The following MYT1L variants were observed in gnomAD, a reference collection of about 807,000 sequenced individuals.
The protein encoded by MYT1L is myelin transcription factor 1 like.
A neutral mutation model predicts 126.7 loss-of-function variants in MYT1L; 12 were observed. That is an observed-to-expected ratio of 0.09 (90% CI 0.06 to 0.15). The LOEUF (loss-of-function observed/expected upper bound fraction) is 0.15. Ranked by LOEUF, MYT1L falls within the 10% of genes least tolerant of loss-of-function variation. The pLI, the probability that MYT1L is intolerant of heterozygous loss-of-function variation, is 1.00. For missense variants in MYT1L, 979 were observed against 1,585.2 expected, an observed-to-expected ratio of 0.62 and a Z score of 6.49; for synonymous variants, 541 against 604.2, an observed-to-expected ratio of 0.90 and a Z score of 1.53.
intron 18 of MYT1L, among the ~76,000 whole-genome samples, chr2:1,881,870 T>C (rs555323112): frequency 1.3e-5 from 2 of 152,166 alleles, no homozygotes; most frequent in South Asian, 2.1e-4. Flanking sequence ...ACACTGAAGG[T>C]GGTGTTATTA....
At chr2:2,099,779 C>T (rs1471741706) in intron 3 of MYT1L, among the ~76,000 whole-genome samples, 1 of 152,196 alleles carries the variant, frequency 6.6e-6, no homozygotes, top group African/African-American at 2.4e-5. Flanking sequence ...ATAGTACAGC[C>T]ACGCATTTTA....
chr2:2,245,169 G>A (rs1412366935), intron 2 of MYT1L, among the ~76,000 whole-genome samples: 1 of 152,136 alleles, frequency 6.6e-6, no homozygotes, highest in Admixed American at 6.5e-5. Context: ...AGGCACAGGG[G>A]ATGAAAAAAT....
chr2:1,931,083 G>A (rs976833707), intron 9 of MYT1L, among the ~76,000 whole-genome samples: 3 of 152,172 alleles, frequency 2.0e-5, no homozygotes, highest in Non-Finnish European at 4.4e-5. Flanking sequence ...TGGGAAAATG[G>A]CCTGTCATGG....
At chr2:1,942,009 G>T (rs2056707718) in intron 9 of MYT1L, among the ~76,000 whole-genome samples, 1 of 152,122 alleles carries the variant, frequency 6.6e-6, no homozygotes, top group Admixed American at 6.5e-5. Context: ...TACCCTTTGT[G>T]TCCAGAAATT....
At chr2:2,097,028 C>T (rs1356879974) in intron 3 of MYT1L, among the ~76,000 whole-genome samples, 1 of 152,100 alleles carries the variant, frequency 6.6e-6, no homozygotes, top group East Asian at 1.9e-4. Context: ...TCTCCCTTAA[C>T]CTCTGTTCTG....
chr2:2,020,831 T>A (rs746889392), intron 4 of MYT1L, among the ~76,000 whole-genome samples: 2 of 152,252 alleles, frequency 1.3e-5, no homozygotes, highest in Non-Finnish European at 2.9e-5. Context: ...TATTTGATTT[T>A]CAAAATGTAG....
chr2:2,104,485 C>G lies in MYT1L; in HGVS notation c.-303-50362G>C, dbSNP rs190256058. On this transcript the variant is annotated intron_variant, in intron 3 of 24. Coordinates refer to ENST00000647738, the MANE Select transcript of MYT1L (RefSeq NM_001303052.2). ...CACACTAGCCCTTTAGTAAGTGGGT[C>G]AGCACTGCATGCTTTTCAGGCGGGC... Among the ~76,000 whole-genome samples, 195 of 152,344 alleles carry G rather than the reference C, an allele frequency of 1.3e-3. 1 individual carries two copies. The highest frequency in any genetic ancestry group is 4.0e-3 in the African/African-American group (168 of 41,592).
chr2:2,099,683 G>A (rs1275379662), intron 3 of MYT1L, among the ~76,000 whole-genome samples: 1 of 152,172 alleles, frequency 6.6e-6, no homozygotes, highest in Non-Finnish European at 1.5e-5. Flanking sequence ...AACAAAGAGT[G>A]AAAACAGTAT....
At chr2:1,797,903 CTCCGG>C (rs2033967141) in intron 23 of MYT1L, among the ~76,000 whole-genome samples, 3 of 43,124 alleles carry the variant, frequency 7.0e-5, no homozygotes, top group African/African-American at 2.8e-4. Context: ...TCTCCCCCTT[CTCCGG>C]CACAGGCGCG....
At chr2:1,857,083 CAG>C (rs1454889208) in intron 18 of MYT1L, among the ~76,000 whole-genome samples, 1 of 152,154 alleles carries the variant, frequency 6.6e-6, no homozygotes, top group African/African-American at 2.4e-5. Flanking sequence ...CAGCCTGACT[CAG>C]TGTTTCACAG....
At chr2:2,270,374 T>A (rs1407813967) in intron 2 of MYT1L, among the ~76,000 whole-genome samples, 3 of 152,182 alleles carry the variant, frequency 2.0e-5, no homozygotes, top group African/African-American at 7.2e-5. Context: ...CACATTCCTT[T>A]AGTCATGAGC....
At chr2:2,169,749 C>T (rs956895635) in intron 3 of MYT1L, among the ~76,000 whole-genome samples, 7 of 152,112 alleles carry the variant, frequency 4.6e-5, no homozygotes, top group Non-Finnish European at 7.4e-5. Flanking sequence ...CAAGTGGTCA[C>T]GCCCGGCTCT....
chr2:1,949,725 CG>C (rs2057567142), intron 8 of MYT1L, among the ~76,000 whole-genome samples: 1 of 152,146 alleles, frequency 6.6e-6, no homozygotes. Flanking sequence ...TTATCACCGC[CG>C]TGGAGAGAGG....
chr2:1,994,168 G>A (rs759446332), intron 5 of MYT1L, among the ~76,000 whole-genome samples: 1 of 152,236 alleles, frequency 6.6e-6, no homozygotes, highest in African/African-American at 2.4e-5. Flanking sequence ...TGGCCTGCAT[G>A]TGACTTTCTC....
At position 1,979,705 on chromosome 2, in the gene MYT1L, A is replaced by G. The variant is rs1186941504; in HGVS notation, c.55+18T>C. Reference sequence around the variant, plus strand: ...TGACCCTGAGCCGGCCTCAGGATGCAGGGAAGCGCGGACATACCTCGAACC... The same window carrying G: ...TGACCCTGAGCCGGCCTCAGGATGCGGGGAAGCGCGGACATACCTCGAACC... On this transcript the variant is annotated intron_variant, in intron 6 of 24. Transcript: ENST00000647738. The surrounding 1 kb of genome is among the most constrained non-coding windows in gnomAD (Gnocchi z 4.0). The G allele has an allele frequency of 1.2e-6, 2 of 1,613,998 alleles. No individual in the cohort carries two copies. The highest frequency in any genetic ancestry group is 1.7e-6 in the Non-Finnish European group (2 of 1,179,872).
intron 18 of MYT1L, among the ~76,000 whole-genome samples, chr2:1,870,047 G>T (rs546506540): frequency 3.3e-4 from 49 of 149,418 alleles, no homozygotes; most frequent in Admixed American, 9.3e-4. Flanking sequence ...TCAGAGCCGA[G>T]AAGTCGAACT....
rs1437119881 is a variant in MYT1L at position 1,943,364 on chromosome 2, G to A, written c.153-30C>T. Reference sequence around the variant, plus strand: ...TTAAAAAAATAGAGAAGGCAGGGGAGAGAGAGAAAAAAAATATCTGTGTTA... The same window carrying A: ...TTAAAAAAATAGAGAAGGCAGGGGAAAGAGAGAAAAAAAATATCTGTGTTA... On this transcript the variant is annotated intron_variant, in intron 8 of 24. Transcript: ENST00000647738. This position sits in a 1 kb window ranked among gnomAD's most constrained non-coding sequence, Gnocchi z 4.4. 1.1e-5 allele frequency: 17 copies of A among 1,498,748 alleles called. No individual in the cohort carries two copies. The Admixed American group carries it at 2.0e-4, about 18-fold the overall frequency. The allele number at this position is 1,498,748 out of a possible 1,614,324, so 92.8% of individuals were successfully genotyped here. A position where few individuals can be genotyped will look rare whatever the true frequency, so the allele number is the denominator to read the frequency against.
rs182721724 is a variant in MYT1L, at chr2:2,121,728, G to A, written c.-304+51144C>T. ...TTTCGAACTGCTGACCTCGTGATCC[G>A]CCCACCTCGGCCTCCCAAAGTGCTA... On this transcript the variant is annotated intron_variant, in intron 3 of 24. Coordinates refer to ENST00000647738, the MANE Select transcript of MYT1L (RefSeq NM_001303052.2). Among the ~76,000 whole-genome samples, 160 of 152,202 alleles carry A rather than the reference G, an allele frequency of 1.1e-3. 1 individual carries two copies. Among genetic ancestry groups the A allele is most frequent in the Middle Eastern group, 3.4e-3 (1 of 294 alleles).
At chr2:1,993,260 T>C (rs2061579565) in intron 5 of MYT1L, among the ~76,000 whole-genome samples, 1 of 152,124 alleles carries the variant, frequency 6.6e-6, no homozygotes, top group African/African-American at 2.4e-5. Flanking sequence ...GGTTACATTA[T>C]CGGGTTGAAG....
Sources: gnomAD v4.1 joint callset for allele counts (sites outside exome capture counted in the v4.1 genomes callset) on GRCh38, gnomAD v4.1.1 for gene constraint, Gnocchi (gnomAD v3.1) non-coding constraint, MANE v1.5 for transcripts, NCBI Gene and HGNC (gene_info 2026-07-23, HGNC 2026-07-21) for gene names.